Variants in TEAD2 observed in about 807,000 individuals in gnomAD.
TEAD2 encodes TEA domain transcription factor 2.
TEAD2 carries 51 observed loss-of-function variants against 61.4 expected under a neutral mutation model. The observed-to-expected ratio is 0.83, with a 90% CI of 0.66 to 1.05. TEAD2 has a LOEUF of 1.05. Ranked by LOEUF, TEAD2 falls within the 50% of genes least tolerant of loss-of-function variation. The probability of loss-of-function intolerance (pLI) is 0.00; values close to 1 mark genes in which losing one functional copy is unlikely to be tolerated. For synonymous variants in TEAD2, 244 were observed against 243.2 expected, an observed-to-expected ratio of 1.00 and a Z score of -0.03; for missense variants, 509 against 600.0, an observed-to-expected ratio of 0.85 and a Z score of 1.58.
At chr19:49,356,027 G>A in intron 4 of TEAD2, 57 bp from the exon 5 acceptor site, 1 of 1,229,948 alleles carries the variant, frequency 8.1e-7, no homozygotes, top group Non-Finnish European at 1.0e-6. Context: ...GACTTAGGAA[G>A]TACGGCCCGG....
At chr19:49,342,324 G>C in intron 12 of TEAD2, 114 bp downstream of exon 12, 1 of 1,375,804 alleles carries the variant, frequency 7.3e-7, no homozygotes, top group Non-Finnish European at 1.0e-6. Flanking sequence ...GGCTCACTTT[G>C]GAGTCCCTGC....
intron 7 of TEAD2, among the ~76,000 whole-genome samples, chr19:49,352,143 G>A (rs1233967564): frequency 1.3e-5 from 2 of 151,968 alleles, no homozygotes; most frequent in Non-Finnish European, 2.9e-5. Context: ...GGCCAAAGTC[G>A]GGGTGGGGAG....
At chr19:49,348,336 A>G (rs1971780555) in intron 9 of TEAD2, among the ~76,000 whole-genome samples, 1 of 152,224 alleles carries the variant, frequency 6.6e-6, no homozygotes. Context: ...AGTTCCTAGT[A>G]TGCATCACAA....
intron 8 of TEAD2, among the ~76,000 whole-genome samples, chr19:49,350,878 G>T (rs1478567355): frequency 1.3e-5 from 2 of 151,904 alleles, no homozygotes; most frequent in Non-Finnish European, 2.9e-5. Flanking sequence ...CTGGGCTTCA[G>T]TAAGAATGTA....
Position 49,359,330 on chromosome 19 carries a change from C to T in TEAD2, c.297+105G>A, listed in dbSNP as rs560667860. 1.6e-4 allele frequency: 153 copies of T among 957,808 alleles called. 2 individuals carry two copies. The South Asian group carries it at 1.9e-3, about 12-fold the overall frequency. 59.3% of individuals were successfully genotyped at this position (957,808 alleles called of 1,614,324 possible). A position where few individuals can be genotyped will look rare whatever the true frequency, so the allele number is the denominator to read the frequency against. The stretch of plus-strand genomic sequence containing the variant: ...CACACATGCCGAGAAGACAGATGAA[C>T]GCACAGGAAGCAGCTTCTTCCTTGA... On this transcript the variant is annotated intron_variant, in intron 3 of 12. Coordinates refer to ENST00000593945, the MANE Select transcript of TEAD2 (RefSeq NM_001256660.2). This position sits in a 1 kb window ranked among gnomAD's most constrained non-coding sequence, Gnocchi z 4.1.
chr19:49,356,061 C>G, intron 4 of TEAD2, 91 bp from the exon 5 acceptor site: 1 of 1,049,134 alleles, frequency 9.5e-7, no homozygotes, highest in Non-Finnish European at 1.2e-6. Flanking sequence ...CCTGCCCTAC[C>G]CGCCCGCACA....
At chr19:49,347,167 T>C (rs1971702305) in intron 10 of TEAD2, 23 bp downstream of exon 10, 1 of 1,610,766 alleles carries the variant, frequency 6.2e-7, no homozygotes. Flanking sequence ...GTGAGCACTT[T>C]TGATTTTGCT....
intron 10 of TEAD2, among the ~76,000 whole-genome samples, chr19:49,343,827 T>C (rs371821040): frequency 2.7e-5 from 4 of 146,116 alleles, no homozygotes; most frequent in African/African-American, 1.0e-4. Flanking sequence ...GTTGTTTTGT[T>C]TTTTTGTTGT....
At chr19:49,350,889 T>TCC (rs897483001) in intron 8 of TEAD2, among the ~76,000 whole-genome samples, 1 of 151,754 alleles carries the variant, frequency 6.6e-6, no homozygotes, top group African/African-American at 2.4e-5. Flanking sequence ...TAAGAATGTA[T>TCC]CCCCTAATTG....
At chr19:49,352,113 A>G (rs1396836415) in intron 7 of TEAD2, among the ~76,000 whole-genome samples, 1 of 152,026 alleles carries the variant, frequency 6.6e-6, no homozygotes, top group Admixed American at 6.6e-5. Context: ...AATGACCAAC[A>G]CTCAGGAGAT....
intron 7 of TEAD2, 139 bp downstream of exon 7, chr19:49,355,009 A>ACATACATG (rs1555784773): frequency 2.4e-5 from 13 of 534,384 alleles, no homozygotes; most frequent in Non-Finnish European, 4.2e-5. Context: ...GTCAATAAAT[A>ACATACATG]CATACATACA....
intron 10 of TEAD2, among the ~76,000 whole-genome samples, chr19:49,343,870 A>C: frequency 1.4e-5 from 2 of 138,926 alleles, no homozygotes; most frequent in Non-Finnish European, 3.2e-5. Context: ...GGGGGGGAAC[A>C]GGGTCTTGCT....
At chr19:49,357,409 G>A in intron 3 of TEAD2, 95 bp from the exon 4 acceptor site, 2 of 1,299,620 alleles carry the variant, frequency 1.5e-6, no homozygotes, top group Middle Eastern at 1.8e-4. Context: ...CTGAGCTGCT[G>A]GACCATGAAA....
intron 7 of TEAD2, among the ~76,000 whole-genome samples, chr19:49,354,524 AG>A (rs1337004346): frequency 2.6e-5 from 4 of 151,640 alleles, no homozygotes; most frequent in African/African-American, 9.7e-5. Flanking sequence ...AAAAAAAAAA[AG>A]CACTTCCCAT....
intron 1 of TEAD2, chr19:49,361,441 G>C (rs1200639797): frequency 6.5e-6 from 1 of 152,994 alleles, no homozygotes; most frequent in African/African-American, 2.4e-5. Flanking sequence ...CTGAGGCCGA[G>C]ACCAGGAGAG....
chr19:49,361,120 G>A (rs1230151314), intron 1 of TEAD2, among the ~76,000 whole-genome samples: 12 of 121,120 alleles, frequency 9.9e-5, no homozygotes, highest in East Asian at 2.9e-4. Context: ...CCAGGGAGAG[G>A]GGGAGACAGA....
chr19:49,346,825 C>A (rs182452371), intron 10 of TEAD2, among the ~76,000 whole-genome samples: 17 of 152,172 alleles, frequency 1.1e-4, no homozygotes, highest in Non-Finnish European at 7.3e-5. Flanking sequence ...CCACTGGCTA[C>A]GGGGAGGGGT....
intron 4 of TEAD2, 70 bp from the exon 5 acceptor site, chr19:49,356,040 T>TC: frequency 8.5e-7 from 1 of 1,170,044 alleles, no homozygotes; most frequent in Non-Finnish European, 1.1e-6. Context: ...CGGCCCGGAC[T>TC]CCCCCACCTC....
At position 49,359,146 on chromosome 19, in the gene TEAD2, G is replaced by A. The variant is rs1972621605; in HGVS notation, c.297+289C>T. On this transcript the variant is annotated intron_variant, in intron 3 of 12. Transcript: ENST00000593945. The surrounding 1 kb of genome is among the most constrained non-coding windows in gnomAD (Gnocchi z 4.1). ...CCTGCTACTCGGGAGGCTGAGACAG[G>A]AGAATTGCTTGAACCCGGGAGGCAG... Among the ~76,000 whole-genome samples the A allele has an allele frequency of 6.6e-6, 1 of 152,056 alleles. No homozygotes were observed. Among genetic ancestry groups the A allele is most frequent in the African/African-American group, 2.4e-5 (1 of 41,414 alleles).
Sources: allele counts gnomAD v4.1 joint callset (sites outside exome capture counted in the v4.1 genomes callset), GRCh38; gene constraint gnomAD v4.1.1; non-coding constraint Gnocchi (gnomAD v3.1); transcripts MANE v1.5; gene names NCBI Gene and HGNC (gene_info 2026-07-23, HGNC 2026-07-21).